TENM2: variants seen among roughly 807,000 people sequenced by gnomAD.
TENM2 encodes the protein teneurin-2.
TENM2 carries 52 observed loss-of-function variants against 245.2 expected under a neutral mutation model. The ratio of observed to expected loss-of-function variants is 0.21; its 90% CI spans 0.17 to 0.27. The LOEUF is 0.27. Among genes scored for constraint, TENM2 ranks in the 10% least tolerant of loss-of-function variants. The probability of loss-of-function intolerance (pLI) is 1.00; values close to 1 mark genes in which losing one functional copy is unlikely to be tolerated. For missense variants in TENM2, 3,046 were observed against 3,666.8 expected, an observed-to-expected ratio of 0.83 and a Z score of 4.37; for synonymous variants, 1,363 against 1,438.9, an observed-to-expected ratio of 0.95 and a Z score of 1.19.
At position 168,218,592 on chromosome 5, in the gene TENM2, C is replaced by T. The variant is rs762997700; in HGVS notation, c.4701C>T (p.Ile1567=). ...TTGCAGACCTTGGAAATATTCGGAT[C>T]AGGGCGGTCAGCAAGAACAAGCCTG... The change falls in exon 23 of 29, where the codon ATC becomes ATT. Residue 1567 remains isoleucine, a synonymous_variant. Coordinates refer to ENST00000518659, the Ensembl canonical transcript of TENM2. The surrounding 1 kb of genome is among the most constrained non-coding windows in gnomAD (Gnocchi z 5.2). 6.2e-7 allele frequency: 1 copy of T among 1,613,992 alleles called. No individual in the cohort carries two copies. Among genetic ancestry groups the T allele is most frequent in the South Asian group, 1.1e-5 (1 of 91,076 alleles).
intron 2 of TENM2, among the ~76,000 whole-genome samples, chr5:167,673,326 T>G (rs1756086070): frequency 6.6e-6 from 1 of 152,112 alleles, no homozygotes; most frequent in Non-Finnish European, 1.5e-5. Context: ...GATTCTAATT[T>G]TAGCATAAAA....
At chr5:167,141,708 A>G in the TENM2 span, among the ~76,000 whole-genome samples, 4 of 152,030 alleles carry the variant, frequency 2.6e-5, no homozygotes, top group African/African-American at 9.7e-5. Context: ...TTCCCCCTTT[A>G]TGAATGCTAA....
At chr5:167,771,570 T>G (rs2150768898) in intron 2 of TENM2, among the ~76,000 whole-genome samples, 1 of 152,332 alleles carries the variant, frequency 6.6e-6, no homozygotes, top group South Asian at 2.1e-4. Context: ...GAAACAATTC[T>G]ATGGCTCTCA....
intron 2 of TENM2, among the ~76,000 whole-genome samples, chr5:167,533,611 C>G (rs1298928195): frequency 1.3e-5 from 2 of 152,028 alleles, no homozygotes; most frequent in Admixed American, 1.3e-4. Flanking sequence ...CATGCATCAC[C>G]ACGCTTGGCT....
chr5:167,087,645 C>T, the TENM2 span, among the ~76,000 whole-genome samples: 4 of 152,116 alleles, frequency 2.6e-5, no homozygotes, highest in Non-Finnish European at 4.4e-5. Flanking sequence ...GCGTGATTCA[C>T]GGAGCTTAGA....
chr5:168,150,210 G>A (rs117973400), intron 12 of TENM2, among the ~76,000 whole-genome samples: 10 of 152,234 alleles, frequency 6.6e-5, no homozygotes, highest in South Asian at 2.1e-4. Context: ...GAAACTACCC[G>A]GTGCATAATA....
chr5:167,007,130 A>G, the TENM2 span, among the ~76,000 whole-genome samples: 4 of 152,226 alleles, frequency 2.6e-5, no homozygotes, highest in Non-Finnish European at 5.9e-5. The surrounding 1 kb of genome is among the most constrained non-coding windows in gnomAD (Gnocchi z 4.2). Flanking sequence ...TTTATAAATA[A>G]TGGAGATACT....
At chr5:167,290,325 C>T (rs1209848774) in intron 1 of TENM2, among the ~76,000 whole-genome samples, 1 of 152,138 alleles carries the variant, frequency 6.6e-6, no homozygotes, top group Non-Finnish European at 1.5e-5. Flanking sequence ...TCATTTTCTC[C>T]ATTTGTAAAA....
chr5:167,976,861 C>T (rs963510972), intron 4 of TENM2, among the ~76,000 whole-genome samples: 23 of 152,164 alleles, frequency 1.5e-4, no homozygotes, highest in South Asian at 4.1e-4. Context: ...TGTAAAGATG[C>T]GTGCATGTGT....
intron 4 of TENM2, among the ~76,000 whole-genome samples, chr5:167,977,083 CAT>C (rs1299182076): frequency 2.0e-5 from 3 of 152,146 alleles, no homozygotes; most frequent in South Asian, 2.1e-4. Context: ...CCAAATACCA[CAT>C]GTTTTTAATT....
At chr5:167,286,575 C>T (rs955445933) in intron 1 of TENM2, among the ~76,000 whole-genome samples, 2 of 152,200 alleles carry the variant, frequency 1.3e-5, no homozygotes, top group African/African-American at 4.8e-5. Flanking sequence ...TAACACGAGA[C>T]TCAGATATTT....
At chr5:167,342,184 C>G (rs1487503557) in intron 1 of TENM2, among the ~76,000 whole-genome samples, 2 of 152,050 alleles carry the variant, frequency 1.3e-5, no homozygotes, top group Non-Finnish European at 2.9e-5. Context: ...TTTTCTGTTC[C>G]AGGACCCCAT....
chr5:168,221,717 C>T (rs7714057), intron 23 of TENM2, among the ~76,000 whole-genome samples: 36,770 of 152,078 alleles, frequency 0.24, 8,526 homozygotes, highest in African/African-American at 0.6. Context: ...ATGCAGGCCA[C>T]TGGGTCTTGA....
intron 4 of TENM2, among the ~76,000 whole-genome samples, chr5:167,975,508 G>A (rs1470778443): frequency 1.3e-5 from 2 of 151,812 alleles, no homozygotes; most frequent in Non-Finnish European, 2.9e-5. Context: ...TTGTCAGTGG[G>A]TATGTGTCTG....
intron 2 of TENM2, among the ~76,000 whole-genome samples, chr5:167,610,788 A>G (rs1777430196): frequency 6.6e-6 from 1 of 152,164 alleles, no homozygotes; most frequent in African/African-American, 2.4e-5. Context: ...TTTAGTTAAC[A>G]TCAATTTTCT....
intron 2 of TENM2, among the ~76,000 whole-genome samples, chr5:167,710,351 A>C (rs868118083): frequency 2.6e-5 from 4 of 152,286 alleles, no homozygotes; most frequent in African/African-American, 7.2e-5. Flanking sequence ...CATGGGGGAA[A>C]AAAACAACAA....
the TENM2 span, among the ~76,000 whole-genome samples, chr5:167,145,796 G>C: frequency 6.6e-6 from 1 of 152,106 alleles, no homozygotes; most frequent in South Asian, 2.1e-4. Context: ...AACGATAGCA[G>C]TTTGAATTTG....
At chr5:167,807,732 T>C (rs1766330810) in intron 2 of TENM2, among the ~76,000 whole-genome samples, 1 of 152,156 alleles carries the variant, frequency 6.6e-6, no homozygotes, top group South Asian at 2.1e-4. Flanking sequence ...TGATCACTTA[T>C]GCAAATTTCC....
intron 7 of TENM2, among the ~76,000 whole-genome samples, chr5:168,086,795 A>C (rs1440896982): frequency 7.2e-5 from 11 of 152,216 alleles, no homozygotes. Context: ...AGATGTCCCC[A>C]ATACTAAGCC....
Sources: gnomAD v4.1 joint callset for allele counts (sites outside exome capture counted in the v4.1 genomes callset) on GRCh38, gnomAD v4.1.1 for gene constraint, Gnocchi (gnomAD v3.1) non-coding constraint, MANE v1.5 for transcripts, NCBI Gene and HGNC (gene_info 2026-07-23, HGNC 2026-07-21) for gene names.